The following COBL variants were observed in gnomAD, a reference collection of about 807,000 sequenced individuals.
The protein encoded by COBL is cordon-bleu WH2 repeat protein.
A neutral mutation model predicts 98.8 loss-of-function variants in COBL; 51 were observed. The observed-to-expected ratio is 0.52, with a 90% CI of 0.41 to 0.65. The LOEUF is 0.65. COBL is among the 30% of genes least tolerant of loss of function. The pLI, the probability that COBL is intolerant of heterozygous loss-of-function variation, is 0.00. For missense variants in COBL, 1,617 were observed against 1,617.5 expected, an observed-to-expected ratio of 1.00 and a Z score of 0.01; for synonymous variants, 634 against 651.7, an observed-to-expected ratio of 0.97 and a Z score of 0.41.
intron 1 of COBL, among the ~76,000 whole-genome samples, chr7:51,269,911 G>A (rs753553398): frequency 5.3e-5 from 8 of 152,246 alleles, no homozygotes; most frequent in Non-Finnish European, 8.8e-5. Flanking sequence ...GCCTGCTGGC[G>A]GCCATACTGA....
intron 6 of COBL, among the ~76,000 whole-genome samples, chr7:51,103,130 T>C (rs1795956395): frequency 2.0e-5 from 3 of 152,232 alleles, no homozygotes; most frequent in South Asian, 4.1e-4. Flanking sequence ...GAAAGGCTAT[T>C]AGTTTAAGTC....
chr7:51,242,251 G>A (rs2129124382), intron 1 of COBL, among the ~76,000 whole-genome samples: 1 of 152,282 alleles, frequency 6.6e-6, no homozygotes, highest in Non-Finnish European at 1.5e-5. Context: ...CATTTACACA[G>A]GGTGTACACC....
rs570439204 is a variant in COBL, at chr7:51,085,051, T to C, written c.1096+115A>G. The C allele has an allele frequency of 2.5e-5, 36 of 1,428,834 alleles. No homozygotes were observed. In the African/African-American group the frequency reaches 3.7e-4, roughly 15 times the overall value. 88.5% of individuals were successfully genotyped at this position (1,428,834 alleles called of 1,614,324 possible). ...AGCCCTTCTTTCTTTAGCATTAATATTTTTTGGGTTAATGTCATTATGGAT... is the reference window on the plus strand; with the variant it reads ...AGCCCTTCTTTCTTTAGCATTAATACTTTTTGGGTTAATGTCATTATGGAT... On this transcript the variant is annotated intron_variant, in intron 7 of 12. Coordinates refer to ENST00000265136, the MANE Select transcript of COBL (RefSeq NM_015198.5).
intron 6 of COBL, among the ~76,000 whole-genome samples, chr7:51,116,117 T>G (rs1797251218): frequency 6.6e-6 from 1 of 152,080 alleles, no homozygotes; most frequent in African/African-American, 2.4e-5. Context: ...TAGGTTCTTA[T>G]AGACAACATT....
chr7:51,107,150 A>C (rs1205204027), intron 6 of COBL, among the ~76,000 whole-genome samples: 1 of 132,604 alleles, frequency 7.5e-6, no homozygotes, highest in Admixed American at 8.8e-5. Context: ...GCTGGACTGC[A>C]GTGGTGTGAT....
chr7:51,277,418 G>A (rs576299213), intron 1 of COBL, among the ~76,000 whole-genome samples: 4 of 152,310 alleles, frequency 2.6e-5, no homozygotes, highest in South Asian at 4.1e-4. Context: ...GCATCTAGCT[G>A]AAGACGACGT....
intron 5 of COBL, among the ~76,000 whole-genome samples, chr7:51,152,295 A>C (rs931110859): frequency 1.3e-5 from 2 of 152,248 alleles, no homozygotes; most frequent in Non-Finnish European, 1.5e-5. Flanking sequence ...AAGTCAAATA[A>C]AAATCAATTA....
At chr7:51,275,309 A>G (rs949659774) in intron 1 of COBL, among the ~76,000 whole-genome samples, 1 of 152,194 alleles carries the variant, frequency 6.6e-6, no homozygotes, top group Non-Finnish European at 1.5e-5. Context: ...ATTTTGAGGC[A>G]CAAGTCCCCT....
chr7:51,276,851 G>A (rs1799353262), intron 1 of COBL, among the ~76,000 whole-genome samples: 2 of 152,242 alleles, frequency 1.3e-5, no homozygotes, highest in South Asian at 4.1e-4. Context: ...CCCAGAAAGG[G>A]AAGAGTTCAG....
At position 51,016,971 on chromosome 7, in the gene COBL, C is replaced by T. The variant is rs1786340007; in HGVS notation, c.*580G>A. 1 of 403,704 alleles carries T rather than the reference C, an allele frequency of 2.5e-6. No homozygotes were observed. The allele number at this position is 403,704 out of a possible 1,614,324, so 25.0% of individuals were successfully genotyped here. A position where few individuals can be genotyped will look rare whatever the true frequency, so the allele number is the denominator to read the frequency against. On this transcript the variant is annotated 3_prime_UTR_variant, in exon 13 of 13. Coordinates refer to ENST00000265136, the MANE Select transcript of COBL (RefSeq NM_015198.5). ...ACTGTGACCCTCTGTGAAGTGTTAG[C>T]CCCAAATATTTGAGGAAGAAGAATC...
intron 5 of COBL, among the ~76,000 whole-genome samples, chr7:51,167,188 TTACA>T (rs1787405440): frequency 1.3e-5 from 2 of 152,256 alleles, no homozygotes; most frequent in Middle Eastern, 3.4e-3. Context: ...TGATAGGATC[TTACA>T]TTTGGAAAAA....
chr7:51,087,798 T>A (rs62448306), intron 6 of COBL, among the ~76,000 whole-genome samples: 31 of 146,966 alleles, frequency 2.1e-4, no homozygotes, highest in African/African-American at 7.3e-4. Flanking sequence ...TTTTTTTTTT[T>A]AATTCTCTGC....
chr7:51,273,452 C>T (rs565466786), intron 1 of COBL, among the ~76,000 whole-genome samples: 1 of 152,160 alleles, frequency 6.6e-6, no homozygotes, highest in African/African-American at 2.4e-5. Flanking sequence ...ACAGTAGCTA[C>T]CACTATCTAA....
At chr7:51,179,238 G>T (rs115680953) in intron 5 of COBL, among the ~76,000 whole-genome samples, 2,162 of 152,214 alleles carry the variant, frequency 0.014, 49 homozygotes, top group African/African-American at 0.05. Context: ...TGTTTGTTTG[G>T]TTGGTTGGTT....
At chr7:51,122,625 T>C (rs528875843) in intron 6 of COBL, among the ~76,000 whole-genome samples, 117 of 152,350 alleles carry the variant, frequency 7.7e-4, no homozygotes, top group African/African-American at 2.8e-3. Flanking sequence ...TATTTAGCTC[T>C]TTGCTAGTTT....
chr7:51,289,496 C>T (rs1283139988), intron 1 of COBL, among the ~76,000 whole-genome samples: 1 of 152,220 alleles, frequency 6.6e-6, no homozygotes, highest in Admixed American at 6.5e-5. Context: ...TACAACGGAG[C>T]TCTGCCGGGC....
chr7:51,123,847 C>G (rs1797960119), intron 6 of COBL, among the ~76,000 whole-genome samples: 1 of 152,142 alleles, frequency 6.6e-6, no homozygotes, highest in Non-Finnish European at 1.5e-5. Context: ...CCACATCACC[C>G]CAGGCAGAGG....
intron 5 of COBL, among the ~76,000 whole-genome samples, chr7:51,162,162 T>G (rs1786885729): frequency 6.6e-6 from 1 of 152,126 alleles, no homozygotes; most frequent in Admixed American, 6.5e-5. Context: ...AACTGCAGTG[T>G]AATCTGTTCC....
chr7:51,256,232 C>T (rs1348413870), intron 1 of COBL, among the ~76,000 whole-genome samples: 1 of 152,056 alleles, frequency 6.6e-6, no homozygotes, highest in Non-Finnish European at 1.5e-5. Context: ...CTTTAGCTGG[C>T]AAAGAACAAA....
Sources: allele counts gnomAD v4.1 joint callset (sites outside exome capture counted in the v4.1 genomes callset), GRCh38; gene constraint gnomAD v4.1.1; transcripts MANE v1.5; gene names NCBI Gene and HGNC (gene_info 2026-07-23, HGNC 2026-07-21).